DTNBP1: variants seen among roughly 807,000 people sequenced by gnomAD.
The protein encoded by DTNBP1 is dystrobrevin binding protein 1.
A neutral mutation model predicts 42.8 loss-of-function variants in DTNBP1; 35 were observed. The observed-to-expected ratio is 0.82, with a 90% CI of 0.63 to 1.09. DTNBP1 has a LOEUF of 1.09. Ranked by LOEUF, DTNBP1 falls within the 50% of genes least tolerant of loss-of-function variation. The pLI, the probability that DTNBP1 is intolerant of heterozygous loss-of-function variation, is 0.00. For missense variants in DTNBP1, 457 were observed against 424.2 expected, an observed-to-expected ratio of 1.08 and a Z score of -0.68; for synonymous variants, 171 against 162.2, an observed-to-expected ratio of 1.05 and a Z score of -0.41.
intron 3 of DTNBP1, among the ~76,000 whole-genome samples, chr6:15,645,772 T>C (rs781404883): frequency 6.6e-6 from 1 of 151,962 alleles, no homozygotes; most frequent in Non-Finnish European, 1.5e-5. Flanking sequence ...AAACAAGGCA[T>C]CAAAGGAACA....
At position 15,584,787 on chromosome 6, in the gene DTNBP1, G is replaced by A. The variant is rs551885026; in HGVS notation, c.511+8272C>T. Among the ~76,000 whole-genome samples, 595 of 135,024 alleles carry A rather than the reference G, an allele frequency of 4.4e-3. 5 individuals are homozygous for A. Among genetic ancestry groups the A allele is most frequent in the Non-Finnish European group, 6.8e-3 (447 of 65,316 alleles). The allele number at this position is 135,024 out of a possible 152,430, so 88.6% of individuals were successfully genotyped here. On this transcript the variant is annotated intron_variant, in intron 7 of 9. Transcript: ENST00000344537. The stretch of plus-strand genomic sequence containing the variant: ...CATGATGTATATAACATGCCATAAC[G>A]TATGCCAACTAAAAGAAATAACAGG...
At chr6:15,579,981 A>G (rs1561971630) in intron 7 of DTNBP1, 1 of 243,366 alleles carries the variant, frequency 4.1e-6, no homozygotes. Context: ...TAAAATAATA[A>G]AAGCAAAACA....
chr6:15,645,505 A>G (rs1458188038), intron 3 of DTNBP1, among the ~76,000 whole-genome samples: 1 of 152,120 alleles, frequency 6.6e-6, no homozygotes, highest in Non-Finnish European at 1.5e-5. Context: ...CTACAGGTCA[A>G]CATTACTGAT....
chr6:15,627,593 G>A (rs1562000230), intron 4 of DTNBP1, 118 bp from the exon 5 acceptor site: 18 of 1,411,928 alleles, frequency 1.3e-5, no homozygotes, highest in African/African-American at 1.4e-5. Flanking sequence ...TAGAGATTAC[G>A]GTACATTCTA....
chr6:15,635,716 T>C (rs954456952), intron 4 of DTNBP1, among the ~76,000 whole-genome samples: 1 of 152,194 alleles, frequency 6.6e-6, no homozygotes, highest in Non-Finnish European at 1.5e-5. Flanking sequence ...TCTTCTTTCA[T>C]ATTTTCCATT....
At chr6:15,556,399 A>G (rs1003371725) in intron 7 of DTNBP1, among the ~76,000 whole-genome samples, 1 of 151,898 alleles carries the variant, frequency 6.6e-6, no homozygotes, top group Non-Finnish European at 1.5e-5. Flanking sequence ...CCAGGCTGGT[A>G]TTGAACTCCT....
intron 8 of DTNBP1, among the ~76,000 whole-genome samples, chr6:15,532,237 C>T (rs1338770721): frequency 2.6e-5 from 4 of 152,220 alleles, no homozygotes; most frequent in South Asian, 4.1e-4. Context: ...TGCCCAGTGC[C>T]GCTGCCCTGC....
intron 7 of DTNBP1, among the ~76,000 whole-genome samples, chr6:15,582,769 A>G (rs1775896114): frequency 6.6e-6 from 1 of 152,176 alleles, no homozygotes; most frequent in Admixed American, 6.6e-5. Flanking sequence ...GGTTTTCAAA[A>G]CTGGAATTAG....
intron 6 of DTNBP1, among the ~76,000 whole-genome samples, chr6:15,595,912 ATTTTG>A (rs1406123226): frequency 2.6e-5 from 4 of 152,300 alleles, no homozygotes; most frequent in Middle Eastern, 3.4e-3. Context: ...AGGCTAAAAT[ATTTTG>A]TTTTATTTTT....
intron 6 of DTNBP1, among the ~76,000 whole-genome samples, chr6:15,604,213 TG>T (rs1421137581): frequency 6.6e-6 from 1 of 152,228 alleles, no homozygotes; most frequent in Non-Finnish European, 1.5e-5. Context: ...GGTTTTTCAT[TG>T]TTTCGGGGGA....
intron 5 of DTNBP1, 77 bp downstream of exon 5, chr6:15,627,266 G>A: frequency 6.4e-7 from 1 of 1,573,734 alleles, no homozygotes. Flanking sequence ...TTCCTGAAAA[G>A]CTCTGAAATT....
chr6:15,628,925 A>T (rs984243300), intron 4 of DTNBP1, among the ~76,000 whole-genome samples: 1 of 152,226 alleles, frequency 6.6e-6, no homozygotes, highest in Non-Finnish European at 1.5e-5. Flanking sequence ...GTGGTTTCTC[A>T]GCCCACGCTG....
intron 7 of DTNBP1, among the ~76,000 whole-genome samples, chr6:15,562,371 C>T (rs1774882756): frequency 6.6e-6 from 1 of 152,126 alleles, no homozygotes; most frequent in Non-Finnish European, 1.5e-5. Context: ...AAACCTTTGA[C>T]TTTCTGTATA....
chr6:15,656,439 C>G (rs185869262), intron 1 of DTNBP1, among the ~76,000 whole-genome samples: 1 of 152,138 alleles, frequency 6.6e-6, no homozygotes, highest in African/African-American at 2.4e-5. Context: ...TAATTTGACA[C>G]CAGCATATTT....
At chr6:15,581,112 G>A (rs932325763) in intron 7 of DTNBP1, among the ~76,000 whole-genome samples, 1 of 152,198 alleles carries the variant, frequency 6.6e-6, no homozygotes, top group African/African-American at 2.4e-5. Flanking sequence ...TGGATGACAG[G>A]ACTTCAAAGT....
At chr6:15,577,393 A>G (rs1775627345) in intron 7 of DTNBP1, among the ~76,000 whole-genome samples, 1 of 152,222 alleles carries the variant, frequency 6.6e-6, no homozygotes, top group Non-Finnish European at 1.5e-5. Flanking sequence ...ACGGCAGCCC[A>G]GAGGAGAGAC....
chr6:15,575,653 A>G (rs1427239742), intron 7 of DTNBP1, among the ~76,000 whole-genome samples: 1 of 152,206 alleles, frequency 6.6e-6, no homozygotes, highest in Non-Finnish European at 1.5e-5. Context: ...GTTTTATGAG[A>G]AAAACACTTT....
intron 7 of DTNBP1, among the ~76,000 whole-genome samples, chr6:15,581,489 T>TG (rs1775834617): frequency 6.8e-6 from 1 of 147,098 alleles, no homozygotes; most frequent in South Asian, 2.2e-4. Context: ...TTTTTTTTTT[T>TG]TTTTTTTTTG....
chr6:15,606,919 T>G (rs1233545794), intron 6 of DTNBP1, among the ~76,000 whole-genome samples: 1 of 152,158 alleles, frequency 6.6e-6, no homozygotes, highest in African/African-American at 2.4e-5. Flanking sequence ...AATGGTGTTA[T>G]GTAGAATACT....
Sources: allele counts gnomAD v4.1 joint callset (sites outside exome capture counted in the v4.1 genomes callset), GRCh38; gene constraint gnomAD v4.1.1; transcripts MANE v1.5; gene names NCBI Gene and HGNC (gene_info 2026-07-23, HGNC 2026-07-21).